The following PLXDC2 variants were observed in gnomAD, a reference collection of about 807,000 sequenced individuals.
PLXDC2 encodes the protein plexin domain-containing protein 2.
A neutral mutation model predicts 68.9 loss-of-function variants in PLXDC2; 40 were observed. The observed-to-expected ratio is 0.58, with a 90% CI of 0.45 to 0.76. The LOEUF (loss-of-function observed/expected upper bound fraction) is 0.76, where lower values mean the gene tolerates loss of function less well. PLXDC2 is among the 30% of genes least tolerant of loss of function. PLXDC2 has a pLI of 0.00. For missense variants in PLXDC2, 644 were observed against 661.9 expected (o/e 0.97, Z 0.30); for synonymous variants, 243 against 234.2 (o/e 1.04, Z -0.34).
intron 6 of PLXDC2, among the ~76,000 whole-genome samples, chr10:20,163,382 A>G (rs1020950423): frequency 2.6e-5 from 4 of 152,166 alleles, no homozygotes; most frequent in African/African-American, 9.7e-5. Context: ...AAAATAAGTC[A>G]GAGAGTTTTT....
chr10:19,842,625 C>G (rs1836930958), intron 1 of PLXDC2, among the ~76,000 whole-genome samples: 1 of 152,172 alleles, frequency 6.6e-6, no homozygotes. Flanking sequence ...GACTTCAACT[C>G]ATAGGCCAGA....
At chr10:19,892,246 G>A (rs187160508) in intron 1 of PLXDC2, among the ~76,000 whole-genome samples, 132 of 152,210 alleles carry the variant, frequency 8.7e-4, no homozygotes, top group Non-Finnish European at 1.5e-3. Context: ...ACCACTTAAG[G>A]AGGTCTGTGC....
At chr10:20,070,210 T>C (rs1362228506) in intron 4 of PLXDC2, among the ~76,000 whole-genome samples, 3 of 152,230 alleles carry the variant, frequency 2.0e-5, no homozygotes. Flanking sequence ...CATTAGTCCT[T>C]AAGTAATAAA....
intron 13 of PLXDC2, among the ~76,000 whole-genome samples, chr10:20,278,293 G>A (rs1328436471): frequency 6.6e-6 from 1 of 152,134 alleles, no homozygotes; most frequent in African/African-American, 2.4e-5. Context: ...CAGCTGTGAA[G>A]TCACTAAAAC....
intron 2 of PLXDC2, among the ~76,000 whole-genome samples, chr10:20,044,191 T>TTCTCTC (rs201580211): frequency 9.4e-5 from 12 of 127,428 alleles, no homozygotes; most frequent in Non-Finnish European, 1.3e-4. Context: ...CTTTCTTTCT[T>TTCTCTC]TCTCTCTCTC....
At chr10:20,000,000 C>G (rs1238306799) in intron 1 of PLXDC2, among the ~76,000 whole-genome samples, 1 of 152,160 alleles carries the variant, frequency 6.6e-6, no homozygotes. Flanking sequence ...GTCCTGGATT[C>G]TTCCTTGCAC....
intron 9 of PLXDC2, among the ~76,000 whole-genome samples, chr10:20,194,162 TAGACTTTGAG>T (rs772275508): frequency 2.4e-4 from 35 of 144,356 alleles, no homozygotes; most frequent in African/African-American, 3.7e-4. Context: ...GTTATTAACT[TAGACTTTGAG>T]AGACGAATTG....
chr10:19,864,925 A>G (rs1178920626), intron 1 of PLXDC2, among the ~76,000 whole-genome samples: 1 of 152,182 alleles, frequency 6.6e-6, no homozygotes, highest in African/African-American at 2.4e-5. Context: ...TGAGAGTTGG[A>G]AAAGCCAGAG....
intron 1 of PLXDC2, among the ~76,000 whole-genome samples, chr10:19,895,132 A>G (rs1291785975): frequency 6.6e-6 from 1 of 152,220 alleles, no homozygotes; most frequent in East Asian, 1.9e-4. Flanking sequence ...TTGCAGGGAC[A>G]TGGATGAAAC....
intron 7 of PLXDC2, among the ~76,000 whole-genome samples, chr10:20,172,230 G>GGA (rs756842799): frequency 1.8e-5 from 2 of 110,610 alleles, no homozygotes; most frequent in Non-Finnish European, 3.8e-5. Flanking sequence ...TTGTGAAAAG[G>GGA]AAAAAAAAAA....
intron 13 of PLXDC2, among the ~76,000 whole-genome samples, chr10:20,265,521 C>T (rs150158967): frequency 5.3e-4 from 80 of 152,242 alleles, no homozygotes; most frequent in African/African-American, 1.8e-3. Flanking sequence ...TGGTAATTTA[C>T]ACATATACAT....
At chr10:19,819,667 A>T (rs1220524888) in intron 1 of PLXDC2, among the ~76,000 whole-genome samples, 1 of 152,172 alleles carries the variant, frequency 6.6e-6, no homozygotes, top group Non-Finnish European at 1.5e-5. Context: ...TTCCTCTATT[A>T]TTCCCTTTTC....
At chr10:19,817,597 G>A (rs1836378587) in intron 1 of PLXDC2, among the ~76,000 whole-genome samples, 1 of 152,172 alleles carries the variant, frequency 6.6e-6, no homozygotes, top group African/African-American at 2.4e-5. Flanking sequence ...GGGGTGGGTG[G>A]GGGACGTTGT....
chr10:19,869,989 G>A (rs963939540), intron 1 of PLXDC2, among the ~76,000 whole-genome samples: 6 of 152,158 alleles, frequency 3.9e-5, no homozygotes, highest in African/African-American at 1.4e-4. Context: ...TGGGGGTTTG[G>A]ACATTCTCTT....
intron 1 of PLXDC2, among the ~76,000 whole-genome samples, chr10:19,825,400 C>T (rs939597919): frequency 2.0e-5 from 3 of 152,034 alleles, no homozygotes; most frequent in African/African-American, 2.4e-5. Context: ...TTCAGTGATA[C>T]AAAAAGTCTA....
At chr10:20,184,132 A>T (rs1834647278) in intron 9 of PLXDC2, among the ~76,000 whole-genome samples, 1 of 151,858 alleles carries the variant, frequency 6.6e-6, no homozygotes. Flanking sequence ...TGGAAAAAAG[A>T]TATTTCCTAA....
intron 5 of PLXDC2, among the ~76,000 whole-genome samples, chr10:20,145,779 T>C (rs113784407): frequency 0.036 from 5,498 of 152,122 alleles, 338 homozygotes; most frequent in African/African-American, 0.13. Flanking sequence ...GGTCTGGATC[T>C]CCTGACCTCG....
In PLXDC2 at chr10:20,282,514, A is replaced by G. The variant is rs938384482; in HGVS notation, c.*2695A>G. 3.9e-5 allele frequency: 6 copies of G among 152,222 alleles called. No individual in the cohort carries two copies. The highest frequency in any genetic ancestry group is 1.4e-4 in the African/African-American group (6 of 41,468). 9.4% of individuals were successfully genotyped at this position (152,222 alleles called of 1,614,324 possible). On this transcript the variant is annotated 3_prime_UTR_variant, in exon 14 of 14. Transcript: ENST00000377252. ...GATAAATGGTGCTACAGAGGAATTTAGTTATTTCAGCTTAATTATTTGTAA... is the reference window on the plus strand; with the variant it reads ...GATAAATGGTGCTACAGAGGAATTTGGTTATTTCAGCTTAATTATTTGTAA...
chr10:19,950,992 TAACTG>T (rs1339091278), intron 1 of PLXDC2, among the ~76,000 whole-genome samples: 7 of 152,138 alleles, frequency 4.6e-5, no homozygotes, highest in Non-Finnish European at 1.0e-4. Context: ...ATATAAAAAT[TAACTG>T]AAGATGGATT....
Sources: gnomAD v4.1 joint callset for allele counts (sites outside exome capture counted in the v4.1 genomes callset) on GRCh38, gnomAD v4.1.1 for gene constraint, MANE v1.5 for transcripts, NCBI Gene and HGNC (gene_info 2026-07-23, HGNC 2026-07-21) for gene names.